The following KMT2E variants were observed in gnomAD, a reference collection of about 807,000 sequenced individuals.
The protein encoded by KMT2E is histone reader KMT2E.
A neutral mutation model predicts 184.6 loss-of-function variants in KMT2E; 30 were observed. That is an observed-to-expected ratio of 0.16 (90% CI 0.12 to 0.22). The LOEUF (loss-of-function observed/expected upper bound fraction) is 0.22. KMT2E is among the 10% of genes least tolerant of loss of function. KMT2E has a pLI of 1.00. For synonymous variants in KMT2E, 815 were observed against 776.5 expected (o/e 1.05, Z -0.82); for missense variants, 2,023 against 2,237.4 (o/e 0.90, Z 1.93).
chr7:105,105,314 T>C (rs1798852076), intron 17 of KMT2E, 125 bp from the exon 18 acceptor site: 1 of 655,538 alleles, frequency 1.5e-6, no homozygotes, highest in Non-Finnish European at 2.5e-6. Flanking sequence ...TGATCACATA[T>C]GAATGATTTA....
chr7:105,076,840 A>T, intron 9 of KMT2E, 123 bp from the exon 10 acceptor site: 1 of 712,624 alleles, frequency 1.4e-6, no homozygotes, highest in Non-Finnish European at 2.4e-6. Flanking sequence ...TCTAGTTTAT[A>T]TTATGTTCTT....
intron 3 of KMT2E, among the ~76,000 whole-genome samples, chr7:105,054,816 G>T (rs1338520306): frequency 2.0e-5 from 3 of 152,044 alleles, no homozygotes; most frequent in East Asian, 1.9e-4. Flanking sequence ...CGCCCAGCCC[G>T]CAAGTTGCAC....
At chr7:105,031,634 GC>G (rs1383995565) in intron 1 of KMT2E, among the ~76,000 whole-genome samples, 2 of 149,894 alleles carry the variant, frequency 1.3e-5, no homozygotes, top group East Asian at 4.0e-4. Context: ...CACCTGTAAT[GC>G]CACCTAATTG....
intron 17 of KMT2E, chr7:105,105,234 A>T (rs1378178839): frequency 2.4e-6 from 1 of 421,678 alleles, no homozygotes; most frequent in Non-Finnish European, 4.1e-6. Context: ...TTGTTCTACA[A>T]AATAATTGGG....
intron 3 of KMT2E, among the ~76,000 whole-genome samples, chr7:105,057,423 A>T (rs1015828125): frequency 1.3e-4 from 20 of 152,042 alleles, no homozygotes; most frequent in African/African-American, 4.8e-4. Context: ...ATCTTGTTTC[A>T]TCTGTCTTTG....
rs1390256782 is a variant in KMT2E, at chr7:105,107,613, A to G, written c.3156A>G (p.Gln1052=). Residue 1052 remains glutamine, a synonymous_variant, in exon 22 of 27, where the codon CAA becomes CAG. Coordinates refer to ENST00000311117, the MANE Select transcript of KMT2E (RefSeq NM_182931.3). ...PAHDRAEPNS[Q]LDSTHSGRGT... is the part of the protein sequence containing the mutation. Reference sequence around the variant, plus strand: ...ATGACAGGGCTGAGCCCAACAGCCAACTGGACTCGACTCACTCTGGACGGG... The same window carrying G: ...ATGACAGGGCTGAGCCCAACAGCCAGCTGGACTCGACTCACTCTGGACGGG... 10 of 1,614,060 alleles carry G rather than the reference A, an allele frequency of 6.2e-6. No individual in the cohort carries two copies. Among genetic ancestry groups the G allele is most frequent in the African/African-American group, 2.7e-5 (2 of 74,932 alleles).
chr7:105,057,181 G>A (rs1455723233), intron 3 of KMT2E, among the ~76,000 whole-genome samples: 3 of 152,126 alleles, frequency 2.0e-5, no homozygotes, highest in East Asian at 1.9e-4. Flanking sequence ...CTACAAATAG[G>A]GGTTTAGAAA....
intron 1 of KMT2E, among the ~76,000 whole-genome samples, chr7:105,030,945 A>T (rs1459137581): frequency 6.6e-6 from 1 of 152,212 alleles, no homozygotes; most frequent in Non-Finnish European, 1.5e-5. Flanking sequence ...TTAGAGAGGG[A>T]AAGAAGAAAA....
chr7:105,092,881 T>A lies in KMT2E; in HGVS notation c.1722+1567T>A, dbSNP rs144793728. 9.7e-4 allele frequency among the ~76,000 whole-genome samples: 147 copies of A among 152,092 alleles called. 1 individual carries two copies. The highest frequency in any genetic ancestry group is 3.4e-3 in the African/African-American group (143 of 41,480). On this transcript the variant is annotated intron_variant, in intron 15 of 26. Coordinates refer to ENST00000311117, the MANE Select transcript of KMT2E (RefSeq NM_182931.3). ...GCTTTAAGGGCTGTAGTGACCACTT[T>A]GGAGAAAAAATGAAATAAAAAAAAA...
intron 5 of KMT2E, 41 bp from the exon 6 acceptor site, chr7:105,066,686 C>T (rs763251665): frequency 6.2e-6 from 9 of 1,457,720 alleles, no homozygotes; most frequent in Non-Finnish European, 8.6e-6. Context: ...TTAAGGATGA[C>T]TTAAATAATA....
Position 105,107,448 on chromosome 7 carries a change from T to C in KMT2E, c.2991T>C (p.Thr997=). The change falls in exon 22 of 27, where the codon ACT becomes ACC. Residue 997 remains threonine (T), a synonymous_variant. Transcript: ENST00000311117. The stretch of plus-strand genomic sequence containing the variant: ...AACTGGGTCTGCAAGAAATAAAGAC[T>C]ATTGGTTATACGAGCCCTAGGAGTA... ...LTELGLQEIK[T]IGYTSPRSRT... is the part of the protein sequence containing the mutation. 2 of 1,613,982 alleles carry C rather than the reference T, an allele frequency of 1.2e-6. No individual in the cohort carries two copies. The highest frequency in any genetic ancestry group is 1.7e-4 in the Middle Eastern group (1 of 6,058).
chr7:105,040,891 C>T lies in KMT2E; in HGVS notation c.-62C>T. The T allele has an allele frequency of 8.2e-7, 1 of 1,213,808 alleles. No homozygotes were observed. The highest frequency in any genetic ancestry group is 1.2e-6 in the Non-Finnish European group (1 of 829,008). The allele number at this position is 1,213,808 out of a possible 1,614,324, so 75.2% of individuals were successfully genotyped here. On this transcript the variant is annotated 5_prime_UTR_variant, in exon 3 of 27. It introduces an in-frame stop codon into an upstream open reading frame of the 5' UTR. Coordinates refer to ENST00000311117, the MANE Select transcript of KMT2E (RefSeq NM_182931.3). ...AATGAGCACTGTGGCTGGCATGCCCCAGTGTTTTGGATACCAATGCATAGG... is the reference window on the plus strand; with the variant it reads ...AATGAGCACTGTGGCTGGCATGCCCTAGTGTTTTGGATACCAATGCATAGG...
At chr7:105,037,308 C>T (rs1795700501) in intron 1 of KMT2E, among the ~76,000 whole-genome samples, 1 of 151,806 alleles carries the variant, frequency 6.6e-6, no homozygotes, top group Non-Finnish European at 1.5e-5. Context: ...ATTTTTTATT[C>T]TTTCTGCCTT....
At chr7:105,042,038 TC>T (rs1478819594) in intron 3 of KMT2E, among the ~76,000 whole-genome samples, 6 of 152,212 alleles carry the variant, frequency 3.9e-5, no homozygotes, top group African/African-American at 1.4e-4. Context: ...CACTCTGTCA[TC>T]CAGGCTGGAG....
At chr7:105,032,607 C>T (rs755342403) in intron 1 of KMT2E, among the ~76,000 whole-genome samples, 195 of 152,224 alleles carry the variant, frequency 1.3e-3, no homozygotes, top group African/African-American at 1.9e-3. Context: ...GCTCAAGTGA[C>T]GTTGTCACCT....
intron 23 of KMT2E, among the ~76,000 whole-genome samples, chr7:105,110,015 A>G (rs769739479): frequency 5.9e-5 from 9 of 151,646 alleles, no homozygotes; most frequent in Non-Finnish European, 1.0e-4. Context: ...TTGTATTTTT[A>G]GTAGAGACGG....
intron 1 of KMT2E, among the ~76,000 whole-genome samples, chr7:105,024,433 G>A (rs1033920640): frequency 1.3e-5 from 2 of 152,170 alleles, no homozygotes; most frequent in African/African-American, 2.4e-5. Context: ...CATCCTGGAC[G>A]TGTAAAGGAG....
At chr7:105,079,978 G>GA (rs1459573631) in intron 12 of KMT2E, among the ~76,000 whole-genome samples, 1 of 151,948 alleles carries the variant, frequency 6.6e-6, no homozygotes, top group Non-Finnish European at 1.5e-5. Flanking sequence ...TGAGTAGCTG[G>GA]GACCACAGGT....
rs772968094 is a variant in KMT2E at position 105,105,393 on chromosome 7, A to T, written c.2197-46A>T. 7.8e-6 allele frequency: 11 copies of T among 1,402,072 alleles called. No homozygotes were observed. The South Asian group carries it at 1.6e-4, about 20-fold the overall frequency. 86.9% of individuals were successfully genotyped at this position (1,402,072 alleles called of 1,614,324 possible). ...CTGGTATTAGAATATTCAAGGGAGA[A>T]TTTGGAATTACATATATAATGATCC... On this transcript the variant is annotated intron_variant, in intron 17 of 26. Transcript: ENST00000311117.
Sources: allele counts gnomAD v4.1 joint callset (sites outside exome capture counted in the v4.1 genomes callset), GRCh38; gene constraint gnomAD v4.1.1; transcripts MANE v1.5; gene names NCBI Gene and HGNC (gene_info 2026-07-23, HGNC 2026-07-21).